ITPR2: variants seen among roughly 807,000 people sequenced by gnomAD.
ITPR2 encodes the protein inositol 1,4,5-trisphosphate receptor type 2, also known as inositol 1,4,5-trisphosphate-gated calcium channel ITPR2.
ITPR2 carries 207 observed loss-of-function variants against 317.1 expected under a neutral mutation model. That is an observed-to-expected ratio of 0.65 (90% CI 0.58 to 0.73). The LOEUF (loss-of-function observed/expected upper bound fraction) is 0.73, where lower values mean the gene tolerates loss of function less well. Ranked by LOEUF, ITPR2 falls within the 30% of genes least tolerant of loss-of-function variation. ITPR2 has a pLI of 0.00. For missense variants in ITPR2, 2,613 were observed against 3,284.0 expected, an observed-to-expected ratio of 0.80 and a Z score of 4.99; for synonymous variants, 1,156 against 1,149.1, an observed-to-expected ratio of 1.01 and a Z score of -0.12.
intron 55 of ITPR2, among the ~76,000 whole-genome samples, chr12:26,340,699 CT>C (rs1294505009): frequency 1.3e-5 from 2 of 152,144 alleles, no homozygotes; most frequent in African/African-American, 2.4e-5. Context: ...CTCTTTCCCC[CT>C]GGCACACAAG....
At chr12:26,427,888 G>A (rs1351711706) in intron 49 of ITPR2, 25 bp downstream of exon 49, 11 of 1,471,568 alleles carry the variant, frequency 7.5e-6, no homozygotes, top group East Asian at 2.4e-5. Context: ...TTCTGTAACA[G>A]TACAAAGCTA....
intron 34 of ITPR2, among the ~76,000 whole-genome samples, chr12:26,565,345 A>AT (rs1410464020): frequency 2.6e-5 from 4 of 152,166 alleles, no homozygotes. Flanking sequence ...ATAGTGCTAC[A>AT]TTTTTTGTCC....
At chr12:26,494,728 C>T (rs577122016) in intron 38 of ITPR2, among the ~76,000 whole-genome samples, 10 of 133,586 alleles carry the variant, frequency 7.5e-5, no homozygotes, top group African/African-American at 2.7e-4. Context: ...CAAGATTGCG[C>T]CACTGCACTC....
chr12:26,552,053 T>C (rs1223183173), intron 36 of ITPR2, among the ~76,000 whole-genome samples: 2 of 152,044 alleles, frequency 1.3e-5, no homozygotes. Context: ...AGAGGTTGGG[T>C]GAGGACGTAC....
rs35660888 is a variant in ITPR2 at position 26,398,057 on chromosome 12, GGTGTGTGTGTGTGTGTGT to G, written c.7696+801_7696+818del. Among the ~76,000 whole-genome samples, 10 of 135,080 alleles carry G rather than the reference GGTGTGTGTGTGTGTGTGT, an allele frequency of 7.4e-5. No homozygotes were observed. The East Asian group carries it at 1.3e-3, about 17-fold the overall frequency. The allele number at this position is 135,080 out of a possible 152,430, so 88.6% of individuals were successfully genotyped here. A position where few individuals can be genotyped will look rare whatever the true frequency, so the allele number is the denominator to read the frequency against. ...GATGACAGGAGAAGGGGAGGGGAGT[GGTGTGTGTGTGTGTGTGT>G]GTGTGTGTGTGTGTGTGTGTGTAAG... On this transcript the variant is annotated intron_variant, in intron 54 of 56. Transcript: ENST00000381340.
intron 55 of ITPR2, 100 bp downstream of exon 55, chr12:26,387,334 A>T: frequency 8.9e-7 from 1 of 1,125,272 alleles, no homozygotes; most frequent in Non-Finnish European, 1.3e-6. Flanking sequence ...ACAAAAAATG[A>T]TTGCTACAAT....
chr12:26,713,719 C>G lies in ITPR2; in HGVS notation c.855+1580G>C, dbSNP rs60508516. Among the ~76,000 whole-genome samples, 437 of 152,352 alleles carry G rather than the reference C, an allele frequency of 2.9e-3. 3 individuals carry two copies. The highest frequency in any genetic ancestry group is 0.01 in the African/African-American group (423 of 41,572). On this transcript the variant is annotated intron_variant, in intron 8 of 56. Coordinates refer to ENST00000381340, the MANE Select transcript of ITPR2 (RefSeq NM_002223.4). Reference sequence around the variant, plus strand: ...GCAGAGACACATCAAATGCAGGTAACTCACTGTATTTCATTAACAGAGTTT... The same window carrying G: ...GCAGAGACACATCAAATGCAGGTAAGTCACTGTATTTCATTAACAGAGTTT...
At chr12:26,725,003 T>G (rs1425423651) in intron 3 of ITPR2, among the ~76,000 whole-genome samples, 1 of 152,160 alleles carries the variant, frequency 6.6e-6, no homozygotes, top group Non-Finnish European at 1.5e-5. Flanking sequence ...GGAGCAGTAA[T>G]TAAATAAATG....
In ITPR2 at chr12:26,663,678, C is replaced by G; in HGVS notation, c.1713+7G>C. On this transcript the variant is annotated splice_region_variant and intron_variant, in intron 15 of 56. Transcript: ENST00000381340. ...GAAACAGTTTAAAATGGGGGCTACCCTCTGACCTGATTTTTCCGGTAATCC... is the reference window on the plus strand; with the variant it reads ...GAAACAGTTTAAAATGGGGGCTACCGTCTGACCTGATTTTTCCGGTAATCC... The G allele has an allele frequency of 6.2e-7, 1 of 1,607,874 alleles. No individual in the cohort carries two copies. Among genetic ancestry groups the G allele is most frequent in the Non-Finnish European group, 8.5e-7 (1 of 1,177,884 alleles).
intron 55 of ITPR2, among the ~76,000 whole-genome samples, chr12:26,366,460 T>G (rs1939014075): frequency 6.6e-6 from 1 of 152,170 alleles, no homozygotes; most frequent in South Asian, 2.1e-4. Flanking sequence ...TGGTCCTATT[T>G]CTCCTCTATC....
At chr12:26,730,174 C>G (rs912883334) in intron 2 of ITPR2, among the ~76,000 whole-genome samples, 1 of 152,174 alleles carries the variant, frequency 6.6e-6, no homozygotes, top group Non-Finnish European at 1.5e-5. Context: ...AACAAAATGA[C>G]AGTAAGAAGA....
At chr12:26,663,660 T>C (rs760091311) in intron 15 of ITPR2, 25 bp downstream of exon 15, 4 of 1,585,886 alleles carry the variant, frequency 2.5e-6, no homozygotes, top group Non-Finnish European at 3.4e-6. Context: ...TATGAAACAG[T>C]TTAAAATGGG....
intron 40 of ITPR2, chr12:26,486,845 T>C: frequency 1.5e-6 from 1 of 672,680 alleles, no homozygotes. Context: ...ATCAAACATC[T>C]TTCATGCCGT....
chr12:26,522,218 T>C (rs183903004), intron 37 of ITPR2, among the ~76,000 whole-genome samples: 2 of 152,290 alleles, frequency 1.3e-5, no homozygotes, highest in African/African-American at 4.8e-5. Context: ...TCCCTGAAGA[T>C]TTTTTAGATA....
chr12:26,775,447 C>T (rs780650716), intron 2 of ITPR2, among the ~76,000 whole-genome samples: 13 of 152,106 alleles, frequency 8.5e-5, no homozygotes, highest in Non-Finnish European at 1.8e-4. Context: ...ACAGGAAGGA[C>T]GAAACAGAAT....
At chr12:26,444,803 G>C (rs1166516455) in intron 45 of ITPR2, among the ~76,000 whole-genome samples, 1 of 152,002 alleles carries the variant, frequency 6.6e-6, no homozygotes, top group African/African-American at 2.4e-5. Context: ...GTGATAATTT[G>C]GTAAGTTAAA....
intron 35 of ITPR2, among the ~76,000 whole-genome samples, chr12:26,557,262 C>T (rs182385460): frequency 1.3e-5 from 2 of 152,188 alleles, no homozygotes; most frequent in Non-Finnish European, 2.9e-5. Context: ...ACCCAACAGC[C>T]TTTCTTCACT....
At chr12:26,522,522 C>T (rs1287988834) in intron 37 of ITPR2, among the ~76,000 whole-genome samples, 2 of 152,142 alleles carry the variant, frequency 1.3e-5, no homozygotes, top group Non-Finnish European at 2.9e-5. Context: ...CTTTGGAACC[C>T]CTATCCAGTC....
intron 45 of ITPR2, among the ~76,000 whole-genome samples, chr12:26,445,887 GTGTT>G (rs1288807333): frequency 6.6e-6 from 1 of 152,136 alleles, no homozygotes; most frequent in Admixed American, 6.6e-5. Flanking sequence ...ATAGAACATA[GTGTT>G]TGTTTGGTTT....
Sources: gnomAD v4.1 joint callset for allele counts (sites outside exome capture counted in the v4.1 genomes callset) on GRCh38, gnomAD v4.1.1 for gene constraint, MANE v1.5 for transcripts, NCBI Gene and HGNC (gene_info 2026-07-23, HGNC 2026-07-21) for gene names.